Variants in PPP1R14C observed in about 807,000 individuals in gnomAD.
PPP1R14C encodes protein phosphatase 1 regulatory subunit 14C.
PPP1R14C carries 16 observed loss-of-function variants against 20.4 expected under a neutral mutation model. That is an observed-to-expected ratio of 0.78 (90% CI 0.53 to 1.19). The LOEUF (loss-of-function observed/expected upper bound fraction) is 1.19. PPP1R14C is among the 50% of genes most tolerant of loss of function. The pLI is 0.00. For synonymous variants in PPP1R14C, 91 were observed against 91.0 expected (o/e 1.00, Z 0.00); for missense variants, 211 against 220.1 (o/e 0.96, Z 0.26).
chr6:150,174,418 G>GT (rs11419740), intron 1 of PPP1R14C, among the ~76,000 whole-genome samples: 14,629 of 151,392 alleles, frequency 0.097, 945 homozygotes, highest in East Asian at 0.36. Context: ...GGGTTTCACC[G>GT]TGTTAGCCAG....
In PPP1R14C at chr6:150,174,702, C is replaced by T. The variant is rs150045708; in HGVS notation, c.306+31204C>T. On this transcript the variant is annotated intron_variant, in intron 1 of 3. Coordinates refer to ENST00000361131, the MANE Select transcript of PPP1R14C (RefSeq NM_030949.3). Reference sequence around the variant, plus strand: ...AGTGAAAGCTGGGCGCAGTGGCTCACGCCTGTAATCCCAGCACTTTGGGAG... The same window carrying T: ...AGTGAAAGCTGGGCGCAGTGGCTCATGCCTGTAATCCCAGCACTTTGGGAG... 9.4e-3 allele frequency among the ~76,000 whole-genome samples: 1,426 copies of T among 151,486 alleles called. 26 individuals are homozygous for T. Among genetic ancestry groups the T allele is most frequent in the African/African-American group, 0.033 (1,355 of 41,298 alleles).
At chr6:150,186,024 AC>A (rs1282139605) in intron 1 of PPP1R14C, among the ~76,000 whole-genome samples, 1 of 152,016 alleles carries the variant, frequency 6.6e-6, no homozygotes, top group Non-Finnish European at 1.5e-5. Context: ...GCCCAGCCCT[AC>A]CCTGTCGCTG....
chr6:150,166,632 A>G (rs1340697963), intron 1 of PPP1R14C, among the ~76,000 whole-genome samples: 1 of 152,142 alleles, frequency 6.6e-6, no homozygotes, highest in Non-Finnish European at 1.5e-5. Context: ...ACCACTGCCC[A>G]TGTCTGGTGG....
rs1488442077 is a variant in PPP1R14C, at chr6:150,185,500, A to C, written c.307-29244A>C. Reference sequence around the variant, plus strand: ...ACCATATTCCTAGCACTGAGCATAGAGTCTGACAGATGATGTGTGTGATTG... The same window carrying C: ...ACCATATTCCTAGCACTGAGCATAGCGTCTGACAGATGATGTGTGTGATTG... On this transcript the variant is annotated intron_variant, in intron 1 of 3. Coordinates refer to ENST00000361131, the MANE Select transcript of PPP1R14C (RefSeq NM_030949.3). The surrounding 1 kb of genome is among the most constrained non-coding windows in gnomAD (Gnocchi z 4.1). 6.6e-6 allele frequency among the ~76,000 whole-genome samples: 1 copy of C among 152,132 alleles called. No homozygotes were observed. The highest frequency in any genetic ancestry group is 1.5e-5 in the Non-Finnish European group (1 of 68,030).
chr6:150,190,571 C>T lies in PPP1R14C; in HGVS notation c.307-24173C>T, dbSNP rs866380457. 5.9e-5 allele frequency among the ~76,000 whole-genome samples: 9 copies of T among 152,074 alleles called. No individual in the cohort carries two copies. In the South Asian group the frequency reaches 1.2e-3, roughly 21 times the overall value. ...CCTCCCAAGTAGCTGGGACTACAGG[C>T]GCATGCCAGCACACCCAGCTAATTT... On this transcript the variant is annotated intron_variant, in intron 1 of 3. Coordinates refer to ENST00000361131, the MANE Select transcript of PPP1R14C (RefSeq NM_030949.3).
chr6:150,219,113 A>T (rs1335803941), intron 3 of PPP1R14C, among the ~76,000 whole-genome samples: 8 of 152,104 alleles, frequency 5.3e-5, no homozygotes, highest in Non-Finnish European at 1.2e-4. Flanking sequence ...CAAGGTTTAT[A>T]ATACTATGAT....
intron 1 of PPP1R14C, among the ~76,000 whole-genome samples, chr6:150,190,890 T>A (rs1265998227): frequency 6.6e-6 from 1 of 152,166 alleles, no homozygotes; most frequent in Non-Finnish European, 1.5e-5. Flanking sequence ...TTGCTCCCTA[T>A]CCTCAACCCG....
At chr6:150,193,151 A>G (rs780627903) in intron 1 of PPP1R14C, among the ~76,000 whole-genome samples, 1 of 152,160 alleles carries the variant, frequency 6.6e-6, no homozygotes, top group African/African-American at 2.4e-5. Flanking sequence ...AGACGTTACC[A>G]AGACCAGTGC....
chr6:150,195,824 G>A (rs1396809275), intron 1 of PPP1R14C: 5 of 985,242 alleles, frequency 5.1e-6, no homozygotes, highest in Non-Finnish European at 6.0e-6. Context: ...ATTCTTGATG[G>A]GTTTTAATAT....
intron 1 of PPP1R14C, among the ~76,000 whole-genome samples, chr6:150,189,806 T>C (rs1289497250): frequency 1.3e-5 from 2 of 152,208 alleles, no homozygotes; most frequent in Non-Finnish European, 2.9e-5. Context: ...AACTGTGGAT[T>C]CCTTGGCACC....
intron 3 of PPP1R14C, among the ~76,000 whole-genome samples, chr6:150,228,339 T>C (rs535498748): frequency 1.2e-4 from 19 of 152,316 alleles, no homozygotes; most frequent in African/African-American, 4.3e-4. Flanking sequence ...GCAAGAAGAA[T>C]TCAAATATTT....
chr6:150,233,750 AT>A (rs1291759814), intron 3 of PPP1R14C, among the ~76,000 whole-genome samples: 8 of 152,206 alleles, frequency 5.3e-5, no homozygotes, highest in African/African-American at 1.9e-4. Flanking sequence ...ATTCTTTATG[AT>A]TTTTGTTTTA....
rs1411018735 is a variant in PPP1R14C at position 150,166,067 on chromosome 6, CTCT to C, written c.306+22580_306+22582del. On this transcript the variant is annotated intron_variant, in intron 1 of 3. Coordinates refer to ENST00000361131, the MANE Select transcript of PPP1R14C (RefSeq NM_030949.3). ...ACCATGTGTCACATGCCACATACCG[CTCT>C]TCTTCTTCTTTTTTTTTTTTTTGAG... Among the ~76,000 whole-genome samples the C allele has an allele frequency of 1.2e-3, 182 of 148,936 alleles. 1 individual carries two copies. The highest frequency in any genetic ancestry group is 3.7e-3 in the African/African-American group (150 of 40,596).
At chr6:150,183,542 C>T (rs962027105) in intron 1 of PPP1R14C, among the ~76,000 whole-genome samples, 3 of 151,532 alleles carry the variant, frequency 2.0e-5, no homozygotes, top group African/African-American at 7.3e-5. Flanking sequence ...GACGCAGTCT[C>T]ACTCTGTCAC....
intron 1 of PPP1R14C, among the ~76,000 whole-genome samples, chr6:150,178,916 G>A (rs1467775269): frequency 6.6e-6 from 1 of 152,246 alleles, no homozygotes; most frequent in African/African-American, 2.4e-5. Context: ...ATGGATGCTG[G>A]AGGTGAAGGG....
At chr6:150,159,765 A>G (rs994664962) in intron 1 of PPP1R14C, among the ~76,000 whole-genome samples, 5 of 152,188 alleles carry the variant, frequency 3.3e-5, no homozygotes, top group East Asian at 1.9e-4. Context: ...ATTTGTCACA[A>G]TGAATGAACC....
intron 1 of PPP1R14C, among the ~76,000 whole-genome samples, chr6:150,200,061 C>A (rs1302134657): frequency 6.6e-6 from 1 of 152,118 alleles, no homozygotes; most frequent in African/African-American, 2.4e-5. Context: ...TTTTGTCACA[C>A]CTCGTGTAAT....
intron 1 of PPP1R14C, among the ~76,000 whole-genome samples, chr6:150,172,444 C>A (rs1280760727): frequency 6.6e-6 from 1 of 152,134 alleles, no homozygotes; most frequent in East Asian, 1.9e-4. Flanking sequence ...CCATTCCTGG[C>A]CTACTGTGCA....
intron 1 of PPP1R14C, among the ~76,000 whole-genome samples, chr6:150,176,835 C>T (rs1367556449): frequency 6.6e-6 from 1 of 152,146 alleles, no homozygotes; most frequent in Non-Finnish European, 1.5e-5. Flanking sequence ...TCCTGTTCAT[C>T]GTGTGGGAGA....
Sources: gnomAD v4.1 joint callset for allele counts (sites outside exome capture counted in the v4.1 genomes callset) on GRCh38, gnomAD v4.1.1 for gene constraint, Gnocchi (gnomAD v3.1) non-coding constraint, MANE v1.5 for transcripts, NCBI Gene and HGNC (gene_info 2026-07-23, HGNC 2026-07-21) for gene names.